Variants in RAB38 observed in about 807,000 individuals in gnomAD.
RAB38 encodes the protein RAB38, member RAS oncogene family.
A neutral mutation model predicts 18.4 loss-of-function variants in RAB38; 15 were observed. The ratio of observed to expected loss-of-function variants is 0.82; its 90% CI spans 0.55 to 1.26. The LOEUF (loss-of-function observed/expected upper bound fraction) is 1.26. Among genes scored for constraint, RAB38 ranks in the 50% most tolerant of loss-of-function variants. The probability of loss-of-function intolerance (pLI) is 0.00; values close to 1 mark genes in which losing one functional copy is unlikely to be tolerated. For synonymous variants in RAB38, 101 were observed against 104.4 expected, an observed-to-expected ratio of 0.97 and a Z score of 0.20; for missense variants, 294 against 267.4, an observed-to-expected ratio of 1.10 and a Z score of -0.69.
At chr11:88,140,661 C>T (rs539589269) in intron 2 of RAB38, among the ~76,000 whole-genome samples, 50 of 152,178 alleles carry the variant, frequency 3.3e-4, no homozygotes, top group Non-Finnish European at 6.3e-4. Flanking sequence ...CTAGGAGGCA[C>T]GTTCCAGGCA....
the RAB38 span, among the ~76,000 whole-genome samples, chr11:88,012,418 G>C: frequency 6.6e-6 from 1 of 152,072 alleles, no homozygotes; most frequent in Non-Finnish European, 1.5e-5. Context: ...GGAGGAAGAC[G>C]GTGGGAACCA....
At chr11:87,941,405 T>C in the RAB38 span, among the ~76,000 whole-genome samples, 4 of 151,366 alleles carry the variant, frequency 2.6e-5, no homozygotes, top group South Asian at 6.3e-4. Flanking sequence ...CATTTTCTTT[T>C]CTCCCCATTC....
chr11:87,971,701 T>C, the RAB38 span, among the ~76,000 whole-genome samples: 1 of 152,058 alleles, frequency 6.6e-6, no homozygotes, highest in Non-Finnish European at 1.5e-5. Context: ...GGTTCTAATA[T>C]ATGGAGGAGT....
At chr11:88,072,461 A>G in the RAB38 span, among the ~76,000 whole-genome samples, 1 of 152,244 alleles carries the variant, frequency 6.6e-6, no homozygotes. Context: ...GGTTTTATGC[A>G]CATGCAATTG....
the RAB38 span, among the ~76,000 whole-genome samples, chr11:87,918,361 C>T: frequency 9.5e-3 from 1,452 of 152,198 alleles, 27 homozygotes; most frequent in African/African-American, 0.033. Context: ...GAATACAGAT[C>T]TCTCTTCTAC....
At chr11:87,910,839 G>A in the RAB38 span, among the ~76,000 whole-genome samples, 1 of 151,840 alleles carries the variant, frequency 6.6e-6, no homozygotes, top group African/African-American at 2.4e-5. Context: ...GTTTCACCAT[G>A]TTGGCCAGGA....
At chr11:87,828,150 A>G in the RAB38 span, among the ~76,000 whole-genome samples, 1 of 152,214 alleles carries the variant, frequency 6.6e-6, no homozygotes, top group Non-Finnish European at 1.5e-5. Flanking sequence ...CCAAAATAAA[A>G]CATTTATTAA....
At chr11:87,854,365 A>G in the RAB38 span, among the ~76,000 whole-genome samples, 9 of 152,324 alleles carry the variant, frequency 5.9e-5, no homozygotes, top group African/African-American at 1.4e-4. Flanking sequence ...AATGAAGACT[A>G]TGAGACTCTC....
chr11:88,020,455 C>A, the RAB38 span, among the ~76,000 whole-genome samples: 3 of 152,110 alleles, frequency 2.0e-5, no homozygotes, highest in Non-Finnish European at 4.4e-5. Flanking sequence ...ATATATAAAC[C>A]ATTTATTATT....
the RAB38 span, among the ~76,000 whole-genome samples, chr11:88,072,167 T>C: frequency 2.0e-5 from 3 of 152,114 alleles, no homozygotes; most frequent in African/African-American, 4.8e-5. Flanking sequence ...CAAAATAATA[T>C]GTTAAAAAAT....
At chr11:88,073,226 A>G in the RAB38 span, among the ~76,000 whole-genome samples, 1 of 152,162 alleles carries the variant, frequency 6.6e-6, no homozygotes, top group East Asian at 1.9e-4. Flanking sequence ...GGGGACATCC[A>G]TCTGCAGCCC....
chr11:87,909,803 A>G, the RAB38 span, among the ~76,000 whole-genome samples: 1 of 152,042 alleles, frequency 6.6e-6, no homozygotes, highest in African/African-American at 2.4e-5. Context: ...TGGCTTATTC[A>G]TTACACTGTT....
the RAB38 span, among the ~76,000 whole-genome samples, chr11:88,101,694 G>C: frequency 1.3e-5 from 2 of 151,520 alleles, no homozygotes; most frequent in African/African-American, 4.8e-5. Flanking sequence ...CACGGTTTCT[G>C]TTTCACACTA....
At chr11:87,910,543 T>C in the RAB38 span, among the ~76,000 whole-genome samples, 2 of 151,978 alleles carry the variant, frequency 1.3e-5, no homozygotes, top group African/African-American at 4.8e-5. Flanking sequence ...TAACCCAAAG[T>C]TACAAACATT....
the RAB38 span, among the ~76,000 whole-genome samples, chr11:87,864,592 A>G: frequency 3.4e-4 from 52 of 151,684 alleles, 1 homozygote; most frequent in African/African-American, 1.2e-3. Context: ...CAAATGTAAT[A>G]TTTTATCCTT....
At chr11:87,814,617 A>T in the RAB38 span, among the ~76,000 whole-genome samples, 1 of 152,208 alleles carries the variant, frequency 6.6e-6, no homozygotes, top group Non-Finnish European at 1.5e-5. Flanking sequence ...ATGGTGAAGC[A>T]GGAATGCTTT....
chr11:87,833,742 C>T, the RAB38 span, among the ~76,000 whole-genome samples: 2 of 152,202 alleles, frequency 1.3e-5, no homozygotes, highest in Non-Finnish European at 2.9e-5. Flanking sequence ...AATCCAGCTT[C>T]ATAGTCTACC....
At chr11:88,094,525 GTCCT>G in the RAB38 span, among the ~76,000 whole-genome samples, 1 of 151,804 alleles carries the variant, frequency 6.6e-6, no homozygotes, top group Non-Finnish European at 1.5e-5. Context: ...CCACTTTACT[GTCCT>G]TCAACTCCTC....
the RAB38 span, among the ~76,000 whole-genome samples, chr11:88,052,911 T>TATATATC: frequency 4.0e-5 from 1 of 25,002 alleles, no homozygotes; most frequent in African/African-American, 2.7e-4. Context: ...CATATATATA[T>TATATATC]ATATATATAT....
Sources: gnomAD v4.1 joint callset for allele counts (sites outside exome capture counted in the v4.1 genomes callset) on GRCh38, gnomAD v4.1.1 for gene constraint, MANE v1.5 for transcripts, NCBI Gene and HGNC (gene_info 2026-07-23, HGNC 2026-07-21) for gene names.